ZNF385D: variants seen among roughly 807,000 people sequenced by gnomAD.
The protein encoded by ZNF385D is zinc finger protein 659.
A neutral mutation model predicts 35.8 loss-of-function variants in ZNF385D; 15 were observed. That is an observed-to-expected ratio of 0.42 (90% CI 0.28 to 0.64). The LOEUF is 0.64. ZNF385D is among the 30% of genes least tolerant of loss of function. The pLI is 0.23. For missense variants in ZNF385D, 474 were observed against 494.6 expected (o/e 0.96, Z 0.39); for synonymous variants, 212 against 186.8 (o/e 1.13, Z -1.10).
intron 3 of ZNF385D, among the ~76,000 whole-genome samples, chr3:22,016,091 G>A (rs2125446085): frequency 6.6e-6 from 1 of 152,214 alleles, no homozygotes; most frequent in Non-Finnish European, 1.5e-5. Flanking sequence ...CTTGCTACTT[G>A]TTAGAGTGCT....
intron 2 of ZNF385D, among the ~76,000 whole-genome samples, chr3:21,645,834 C>T (rs1043547894): frequency 6.6e-6 from 1 of 152,106 alleles, no homozygotes; most frequent in African/African-American, 2.4e-5. Context: ...GGTCTTTTTT[C>T]AGTTGACCTT....
chr3:22,352,189 C>T (rs1042245377), intron 2 of ZNF385D, among the ~76,000 whole-genome samples: 1 of 152,150 alleles, frequency 6.6e-6, no homozygotes, highest in African/African-American at 2.4e-5. Flanking sequence ...TTTCCCGGCA[C>T]ATGTGAAAGC....
rs530703672 is a variant in ZNF385D at position 21,683,445 on chromosome 3, C to T, written c.23-18417G>A. Among the ~76,000 whole-genome samples, 4 of 149,500 alleles carry T rather than the reference C, an allele frequency of 2.7e-5. 1 individual carries two copies. In the South Asian group the frequency reaches 6.5e-4, roughly 24 times the overall value. The stretch of plus-strand genomic sequence containing the variant: ...CATCCTGGCTAACACTGTGAAACTC[C>T]GTCTCTACTAAAAATACAAAAAATT... On this transcript the variant is annotated intron_variant, in intron 1 of 7. Coordinates refer to ENST00000281523, the MANE Select transcript of ZNF385D (RefSeq NM_024697.3).
At chr3:21,974,029 C>T (rs767198981) in intron 3 of ZNF385D, among the ~76,000 whole-genome samples, 1 of 151,868 alleles carries the variant, frequency 6.6e-6, no homozygotes, top group African/African-American at 2.4e-5. Context: ...AAATGCCTAT[C>T]AAAATACCAA....
Position 22,250,509 on chromosome 3 carries a change from C to T in ZNF385D, c.107-81474G>A, listed in dbSNP as rs549884722. On this transcript the variant is annotated intron_variant, in intron 2 of 5. Coordinates refer to the ZNF385D transcript ENST00000494108. ...TGCATTGGAATATTGCCCCAACACT[C>T]CTCACCCACAACCTGACAATACATA... 4.6e-5 allele frequency among the ~76,000 whole-genome samples: 7 copies of T among 152,160 alleles called. No homozygotes were observed. The Middle Eastern group carries it at 0.014, about 296-fold the overall frequency.
chr3:21,544,794 T>G (rs1375780212), intron 3 of ZNF385D, among the ~76,000 whole-genome samples: 3 of 152,208 alleles, frequency 2.0e-5, no homozygotes, highest in African/African-American at 7.2e-5. Flanking sequence ...GAATTCTGTT[T>G]CATAATATTA....
chr3:21,756,613 AAGG>A (rs2125572509), intron 3 of ZNF385D, among the ~76,000 whole-genome samples: 1 of 152,328 alleles, frequency 6.6e-6, no homozygotes, highest in East Asian at 1.9e-4. Context: ...TAGATTGAAA[AAGG>A]AGAAGAGGGT....
intron 1 of ZNF385D, among the ~76,000 whole-genome samples, chr3:21,671,149 T>C (rs2066565184): frequency 6.6e-6 from 1 of 152,094 alleles, no homozygotes; most frequent in Non-Finnish European, 1.5e-5. Flanking sequence ...TACACATGTA[T>C]TTGGCCACCT....
At chr3:21,443,123 C>G in intron 4 of ZNF385D, 1 of 985,208 alleles carries the variant, frequency 1.0e-6, no homozygotes, top group Non-Finnish European at 1.2e-6. Flanking sequence ...CCCAAAGCCA[C>G]CAAATGAGGC....
At chr3:22,235,484 G>A (rs1400750378) in intron 2 of ZNF385D, among the ~76,000 whole-genome samples, 1 of 151,996 alleles carries the variant, frequency 6.6e-6, no homozygotes, top group Non-Finnish European at 1.5e-5. Context: ...AATCTTCAGT[G>A]TGTCCAAAAT....
chr3:22,035,440 T>C (rs1698253901), intron 3 of ZNF385D, among the ~76,000 whole-genome samples: 1 of 152,208 alleles, frequency 6.6e-6, no homozygotes, highest in Non-Finnish European at 1.5e-5. Flanking sequence ...CCAATACTTA[T>C]CAGTTAAGCC....
intron 3 of ZNF385D, among the ~76,000 whole-genome samples, chr3:22,115,759 T>C (rs1576346136): frequency 6.6e-6 from 1 of 152,104 alleles, no homozygotes; most frequent in South Asian, 2.1e-4. Flanking sequence ...TGTACAGCTT[T>C]AGTCATATGA....
At chr3:22,204,478 G>A (rs565050590) in intron 2 of ZNF385D, among the ~76,000 whole-genome samples, 1 of 152,056 alleles carries the variant, frequency 6.6e-6, no homozygotes, top group Admixed American at 6.6e-5. Context: ...AGCATCAAGA[G>A]CATCGAGAAA....
At chr3:21,913,829 C>A (rs1040043516) in intron 3 of ZNF385D, among the ~76,000 whole-genome samples, 2 of 152,044 alleles carry the variant, frequency 1.3e-5, no homozygotes, top group African/African-American at 2.4e-5. Context: ...TAGATCCATG[C>A]CTCATAATGA....
At chr3:21,839,001 T>C (rs1386221464) in intron 3 of ZNF385D, among the ~76,000 whole-genome samples, 1 of 152,088 alleles carries the variant, frequency 6.6e-6, no homozygotes, top group African/African-American at 2.4e-5. Context: ...ACAATTCACA[T>C]TGGATGAATG....
chr3:21,678,722 G>A (rs2066806747), intron 1 of ZNF385D, among the ~76,000 whole-genome samples: 1 of 152,060 alleles, frequency 6.6e-6, no homozygotes, highest in African/African-American at 2.4e-5. Context: ...AGAGGGGAGA[G>A]AAATTCTGTA....
intron 3 of ZNF385D, among the ~76,000 whole-genome samples, chr3:21,758,871 C>A (rs1169422323): frequency 1.4e-5 from 2 of 141,414 alleles, no homozygotes; most frequent in African/African-American, 2.6e-5. Context: ...ATATTATAAC[C>A]AAAAATAGAT....
intron 3 of ZNF385D, among the ~76,000 whole-genome samples, chr3:21,999,743 T>A (rs1209530416): frequency 6.8e-6 from 1 of 147,102 alleles, no homozygotes; most frequent in East Asian, 2.0e-4. Context: ...AACTTGAAAG[T>A]AGTTCTTGTA....
intron 3 of ZNF385D, among the ~76,000 whole-genome samples, chr3:21,821,859 G>T (rs1014189250): frequency 6.6e-6 from 1 of 151,240 alleles, no homozygotes; most frequent in Non-Finnish European, 1.5e-5. Context: ...CCAGGTACTC[G>T]GGAGGCTGAG....
Sources: gnomAD v4.1 joint callset for allele counts (sites outside exome capture counted in the v4.1 genomes callset) on GRCh38, gnomAD v4.1.1 for gene constraint, MANE v1.5 for transcripts, NCBI Gene and HGNC (gene_info 2026-07-23, HGNC 2026-07-21) for gene names.